The following CCDC148 variants were observed in gnomAD, a reference collection of about 807,000 sequenced individuals.
The protein encoded by CCDC148 is coiled-coil domain containing 148.
CCDC148 carries 89 observed loss-of-function variants against 85.7 expected under a neutral mutation model. The ratio of observed to expected loss-of-function variants is 1.04; its 90% CI spans 0.87 to 1.24. CCDC148 has a LOEUF of 1.24. Ranked by LOEUF, CCDC148 falls within the 50% of genes most tolerant of loss-of-function variation. The pLI, the probability that CCDC148 is intolerant of heterozygous loss-of-function variation, is 0.00. For missense variants in CCDC148, 692 were observed against 671.7 expected, an observed-to-expected ratio of 1.03 and a Z score of -0.33; for synonymous variants, 230 against 213.9, an observed-to-expected ratio of 1.08 and a Z score of -0.66.
intron 10 of CCDC148, among the ~76,000 whole-genome samples, chr2:158,241,143 T>C (rs1362075279): frequency 5.9e-5 from 9 of 152,192 alleles, no homozygotes; most frequent in Admixed American, 5.9e-4. Context: ...TGATACTCCC[T>C]GAGAAAGCAG....
chr2:158,245,714 C>T (rs1688543969), intron 10 of CCDC148, among the ~76,000 whole-genome samples: 1 of 152,100 alleles, frequency 6.6e-6, no homozygotes. Flanking sequence ...AGAGCCACAT[C>T]TAGAGAAAGG....
chr2:158,201,745 T>G (rs1213181766), intron 11 of CCDC148, among the ~76,000 whole-genome samples: 1 of 152,154 alleles, frequency 6.6e-6, no homozygotes, highest in Non-Finnish European at 1.5e-5. Flanking sequence ...AATAGTCTTT[T>G]TTCCTCATAT....
intron 11 of CCDC148, among the ~76,000 whole-genome samples, chr2:158,193,407 T>A (rs955566567): frequency 3.9e-5 from 6 of 152,150 alleles, no homozygotes; most frequent in African/African-American, 1.4e-4. Context: ...CAACATAACA[T>A]CAGCTATGGA....
chr2:158,387,237 G>C (rs1685123050), intron 1 of CCDC148, among the ~76,000 whole-genome samples: 1 of 151,620 alleles, frequency 6.6e-6, no homozygotes, highest in Non-Finnish European at 1.5e-5. Context: ...ACTACTTCTA[G>C]GCTCACCCAG....
chr2:158,325,275 C>T (rs1692716598), intron 7 of CCDC148, among the ~76,000 whole-genome samples: 1 of 152,076 alleles, frequency 6.6e-6, no homozygotes, highest in South Asian at 2.1e-4. Flanking sequence ...CATCTAAAGC[C>T]ACCAACAACC....
chr2:158,320,606 ATATTT>A (rs1692477244), intron 7 of CCDC148, among the ~76,000 whole-genome samples: 1 of 152,208 alleles, frequency 6.6e-6, no homozygotes, highest in South Asian at 2.1e-4. Flanking sequence ...ATAGCTACAC[ATATTT>A]TATTATTTTT....
At chr2:158,364,420 G>C (rs1002636787) in intron 1 of CCDC148, among the ~76,000 whole-genome samples, 1 of 152,104 alleles carries the variant, frequency 6.6e-6, no homozygotes, top group Non-Finnish European at 1.5e-5. Context: ...ATACTAAAAG[G>C]CTACAGTAAC....
intron 9 of CCDC148, among the ~76,000 whole-genome samples, chr2:158,277,496 G>A (rs900646473): frequency 5.9e-5 from 9 of 152,196 alleles, no homozygotes; most frequent in African/African-American, 2.2e-4. Context: ...ATAGCTAAAT[G>A]CTGTGAAGTG....
intron 1 of CCDC148, chr2:158,424,742 C>A (rs2105326971): frequency 4.7e-6 from 1 of 212,686 alleles, no homozygotes; most frequent in East Asian, 1.4e-4. Context: ...AAGAATCCCC[C>A]AAAAAGGGTT....
chr2:158,426,943 T>C (rs1384389321), intron 1 of CCDC148, among the ~76,000 whole-genome samples: 1 of 152,212 alleles, frequency 6.6e-6, no homozygotes, highest in Non-Finnish European at 1.5e-5. Flanking sequence ...GTTCATTTTG[T>C]GTTGTCAGTA....
intron 7 of CCDC148, among the ~76,000 whole-genome samples, chr2:158,319,298 C>A (rs1692420587): frequency 2.6e-5 from 4 of 152,276 alleles, no homozygotes; most frequent in Non-Finnish European, 4.4e-5. Context: ...GGCAGTGAAT[C>A]TGGATTGATT....
intron 1 of CCDC148, among the ~76,000 whole-genome samples, chr2:158,444,918 G>C (rs1688098401): frequency 6.6e-6 from 1 of 151,948 alleles, no homozygotes; most frequent in Non-Finnish European, 1.5e-5. Flanking sequence ...AGAAAGAAGG[G>C]GGGAAACAAA....
intron 9 of CCDC148, among the ~76,000 whole-genome samples, chr2:158,279,451 G>A (rs1178021634): frequency 6.6e-6 from 1 of 152,206 alleles, no homozygotes; most frequent in Non-Finnish European, 1.5e-5. Flanking sequence ...GGAGCTGAAA[G>A]CCAAGGCATG....
rs1684379271 is a variant in CCDC148, at chr2:158,370,147, G to GA, written c.26-11578dup. The stretch of plus-strand genomic sequence containing the variant: ...TGGCCTGTCAGGGGGTTAGTGGAGG[G>GA]AGAGTATCAGGATAGACAGCTAATG... On this transcript the variant is annotated intron_variant, in intron 1 of 13. Coordinates refer to ENST00000283233, the MANE Select transcript of CCDC148 (RefSeq NM_138803.4). Among the ~76,000 whole-genome samples, 2 of 151,954 alleles carry GA rather than the reference G, an allele frequency of 1.3e-5. 1 individual carries two copies. The highest frequency in any genetic ancestry group is 4.1e-4 in the South Asian group (2 of 4,826).
intron 11 of CCDC148, among the ~76,000 whole-genome samples, chr2:158,204,583 C>A (rs1321771745): frequency 6.6e-6 from 1 of 152,056 alleles, no homozygotes; most frequent in Non-Finnish European, 1.5e-5. Flanking sequence ...CCAGCTACCC[C>A]CAGCTTTCTA....
Position 158,339,021 on chromosome 2 carries a change from A to G in CCDC148, c.551T>C (p.Ile184Thr), listed in dbSNP as rs1259135682. The change falls in exon 6 of 14, where the codon ATA becomes ACA. Residue 184 changes from isoleucine (I) to threonine (T), a missense_variant. Transcript: ENST00000283233. Reference sequence around the variant, plus strand: ...ACTCCAGTCTGAAAGATCATTTTCTATTCTCTGTTGCTCCAGCCTAAGTCT... The same window carrying G: ...ACTCCAGTCTGAAAGATCATTTTCTGTTCTCTGTTGCTCCAGCCTAAGTCT... ...FERLRLEQQR[I>T]ENDLSDWSIK... 1.2e-6 allele frequency: 2 copies of G among 1,613,824 alleles called. No individual in the cohort carries two copies. Among genetic ancestry groups the G allele is most frequent in the Non-Finnish European group, 1.7e-6 (2 of 1,179,798 alleles).
intron 9 of CCDC148, among the ~76,000 whole-genome samples, chr2:158,307,845 T>C (rs1464872380): frequency 6.6e-6 from 1 of 152,172 alleles, no homozygotes; most frequent in Non-Finnish European, 1.5e-5. Flanking sequence ...TCGATGGTCA[T>C]GAAGTCAGAA....
chr2:158,356,998 G>T (rs71218635), intron 2 of CCDC148, among the ~76,000 whole-genome samples: 2 of 149,658 alleles, frequency 1.3e-5, no homozygotes, highest in South Asian at 4.3e-4. Flanking sequence ...ACCAAACACT[G>T]CATATTCTCA....
At chr2:158,179,765 T>C (rs769004626) in intron 11 of CCDC148, among the ~76,000 whole-genome samples, 4 of 152,216 alleles carry the variant, frequency 2.6e-5, no homozygotes, top group Non-Finnish European at 5.9e-5. Context: ...AAACTTTACA[T>C]ATATTGTCAT....
Sources: allele counts gnomAD v4.1 joint callset (sites outside exome capture counted in the v4.1 genomes callset), GRCh38; gene constraint gnomAD v4.1.1; transcripts MANE v1.5; gene names NCBI Gene and HGNC (gene_info 2026-07-23, HGNC 2026-07-21).